The following ADAM28 variants were observed in gnomAD, a reference collection of about 807,000 sequenced individuals.
The protein encoded by ADAM28 is ADAM metallopeptidase domain 28, also known as disintegrin and metalloproteinase domain-containing protein 28.
ADAM28 carries 105 observed loss-of-function variants against 101.2 expected under a neutral mutation model. The observed-to-expected ratio is 1.04, with a 90% confidence interval of 0.89 to 1.22. ADAM28 has a LOEUF of 1.22. Ranked by LOEUF, ADAM28 falls within the 50% of genes most tolerant of loss-of-function variation. ADAM28 has a pLI of 0.00. For synonymous variants in ADAM28, 322 were observed against 310.6 expected, an observed-to-expected ratio of 1.04 and a Z score of -0.39; for missense variants, 1,028 against 945.4, an observed-to-expected ratio of 1.09 and a Z score of -1.15.
intron 4 of ADAM28, among the ~76,000 whole-genome samples, chr8:24,310,991 T>G (rs775536505): frequency 1.3e-5 from 2 of 152,178 alleles, no homozygotes; most frequent in Admixed American, 6.5e-5. Context: ...GAAAAAAGCT[T>G]GTAGATCTTT....
rs1815051517 is a variant in ADAM28 at position 24,343,589 on chromosome 8, G to A, written c.1990+5G>A. On this transcript the variant is annotated splice_donor_5th_base_variant and intron_variant, in intron 18 of 22. Transcript: ENST00000265769. Reference sequence around the variant, plus strand: ...ATGACTCCTCAGTGGTCTTCCGTAGGTAACATTACACATCTAACCTGAGAA... The same window carrying A: ...ATGACTCCTCAGTGGTCTTCCGTAGATAACATTACACATCTAACCTGAGAA... 2.5e-6 allele frequency: 4 copies of A among 1,613,452 alleles called. No individual in the cohort carries two copies. Among genetic ancestry groups the A allele is most frequent in the Non-Finnish European group, 3.4e-6 (4 of 1,179,618 alleles).
chr8:24,314,882 A>G (rs777202858), intron 6 of ADAM28, among the ~76,000 whole-genome samples: 2 of 151,330 alleles, frequency 1.3e-5, no homozygotes, highest in Non-Finnish European at 3.0e-5. Context: ...AAGATACTCC[A>G]TTACAACTAT....
At position 24,352,014 on chromosome 8, in the gene ADAM28, G is replaced by C; in HGVS notation, c.2206G>C (p.Asp736His). 1 of 1,613,664 alleles carries C rather than the reference G, an allele frequency of 6.2e-7. No homozygotes were observed. The highest frequency in any genetic ancestry group is 8.5e-7 in the Non-Finnish European group (1 of 1,179,730). Residue 736 changes from aspartate to histidine, a missense_variant, in exon 21 of 23, where the codon GAT becomes CAT. Coordinates refer to ENST00000265769, the MANE Select transcript of ADAM28 (RefSeq NM_014265.6). ...GAGTCAGATGAAGCCCCATGTGTAT[G>C]ATCTGCCAGTAGAAGGCAATGAGCC... ...EMSQMKPHVYDLPVEGNEPPA... is the reference protein window; with the variant it reads ...EMSQMKPHVYHLPVEGNEPPA...
chr8:24,354,323 TA>T, intron 22 of ADAM28, 60 bp from the exon 23 acceptor site: 1 of 1,385,214 alleles, frequency 7.2e-7, no homozygotes, highest in Non-Finnish European at 1.0e-6. Flanking sequence ...TTCAGCTTCA[TA>T]ATAGTAAATA....
chr8:24,350,809 A>G (rs1412820031), intron 19 of ADAM28, among the ~76,000 whole-genome samples: 1 of 151,726 alleles, frequency 6.6e-6, no homozygotes, highest in Non-Finnish European at 1.5e-5. Context: ...TCAGTCTTGC[A>G]GAGTAAGTGG....
At chr8:24,332,568 CAT>C in intron 12 of ADAM28, 90 bp from the exon 13 acceptor site, 2 of 602,958 alleles carry the variant, frequency 3.3e-6, no homozygotes, top group Non-Finnish European at 5.3e-6. Flanking sequence ...ACGAAAGTAA[CAT>C]ATGCCTGATG....
chr8:24,337,344 AC>A (rs760718917), intron 14 of ADAM28, among the ~76,000 whole-genome samples: 10 of 152,260 alleles, frequency 6.6e-5, no homozygotes, highest in Non-Finnish European at 1.0e-4. Flanking sequence ...AATCTTTAGC[AC>A]AGAGGTGAAG....
rs866332710 is a variant in ADAM28, at chr8:24,311,562, A to G, written c.383+125A>G. On this transcript the variant is annotated intron_variant, in intron 5 of 22. Coordinates refer to ENST00000265769, the MANE Select transcript of ADAM28 (RefSeq NM_014265.6). ...GTTGAATATAAATCATAAGGGCCAT[A>G]ACATTTTGAAATTTGAAGAAACACC... 80 of 614,058 alleles carry G rather than the reference A, an allele frequency of 1.3e-4. 1 individual carries two copies. In the Middle Eastern group the frequency reaches 6.1e-3, roughly 47 times the overall value. 38.0% of individuals were successfully genotyped at this position (614,058 alleles called of 1,614,324 possible).
chr8:24,345,241 T>C (rs975714430), intron 18 of ADAM28, among the ~76,000 whole-genome samples: 3 of 152,036 alleles, frequency 2.0e-5, no homozygotes, highest in African/African-American at 4.8e-5. Context: ...TTTGCTTTTT[T>C]CTTCCATTGA....
intron 8 of ADAM28, among the ~76,000 whole-genome samples, chr8:24,322,435 G>A (rs1309544628): frequency 6.6e-6 from 1 of 152,002 alleles, no homozygotes; most frequent in Admixed American, 6.6e-5. Context: ...CAAAGGAAAT[G>A]TTAGAATTAC....
At chr8:24,340,216 A>C (rs1037693280) in intron 15 of ADAM28, among the ~76,000 whole-genome samples, 1 of 152,160 alleles carries the variant, frequency 6.6e-6, no homozygotes, top group Admixed American at 6.5e-5. Flanking sequence ...CCTGCTCTAA[A>C]TTTTACACAT....
intron 12 of ADAM28, among the ~76,000 whole-genome samples, chr8:24,332,438 A>G (rs1184887403): frequency 6.6e-6 from 1 of 152,196 alleles, no homozygotes; most frequent in Non-Finnish European, 1.5e-5. Flanking sequence ...GACTGAGGAA[A>G]CTAGTTAATA....
At chr8:24,296,446 G>T (rs1294647674) in intron 1 of ADAM28, among the ~76,000 whole-genome samples, 1 of 152,158 alleles carries the variant, frequency 6.6e-6, no homozygotes, top group Admixed American at 6.5e-5. Flanking sequence ...TTAATATGAT[G>T]TGTTCAGTTT....
chr8:24,323,918 G>A lies in ADAM28; in HGVS notation c.805G>A (p.Ala269Thr). ...GGATAAGATAAAGATAACCCCAAAT[G>A]CAAGCTTCACCTTGGAGAATTTTTC... ...DKDKIKITPN[A>T]SFTLENFSKW... The change falls in exon 9 of 23, where the codon GCA becomes ACA. Residue 269 changes from alanine to threonine, a missense_variant. By Grantham distance (58) the Ala-to-Thr change is moderately conservative (BLOSUM62 0). Coordinates refer to ENST00000265769, the MANE Select transcript of ADAM28 (RefSeq NM_014265.6). 1 of 1,612,260 alleles carries A rather than the reference G, an allele frequency of 6.2e-7. No individual in the cohort carries two copies. Among genetic ancestry groups the A allele is most frequent in the Non-Finnish European group, 8.5e-7 (1 of 1,178,848 alleles).
chr8:24,306,359 A>AATATATATATAT (rs1194372727), intron 2 of ADAM28, among the ~76,000 whole-genome samples: 1 of 105,920 alleles, frequency 9.4e-6, no homozygotes. Context: ...CAAATAAATA[A>AATATATATATAT]ATAAATATAT....
At chr8:24,313,990 C>T (rs567315495) in intron 6 of ADAM28, among the ~76,000 whole-genome samples, 21 of 152,226 alleles carry the variant, frequency 1.4e-4, no homozygotes, top group African/African-American at 4.8e-4. Flanking sequence ...CTCCCGACCT[C>T]GGGTGATCCA....
intron 1 of ADAM28, among the ~76,000 whole-genome samples, chr8:24,298,778 T>C (rs973050971): frequency 1.3e-5 from 2 of 152,182 alleles, no homozygotes; most frequent in East Asian, 3.9e-4. Context: ...TAGCCACCTG[T>C]AGCAGCTAAG....
At chr8:24,333,138 G>C (rs1487336832) in intron 13 of ADAM28, among the ~76,000 whole-genome samples, 1 of 152,180 alleles carries the variant, frequency 6.6e-6, no homozygotes, top group African/African-American at 2.4e-5. Context: ...CGCAAACAGA[G>C]TAGAATGGTG....
In ADAM28 at chr8:24,330,078, T is replaced by C. The variant is rs1270050414; in HGVS notation, c.1066T>C (p.Cys356Arg). ...GMFHDDYSCKCPSTICVMDKA... is the reference protein window; with the variant it reads ...GMFHDDYSCKRPSTICVMDKA... ...GTTTCATGACGACTATTCTTGCAAG[T>C]GTCCTTCTACAATATGTGTGATGGA... is the stretch of plus-strand genomic sequence containing the variant. The change falls in exon 11 of 23, where the codon TGT (cysteine) becomes CGT (arginine). Residue 356 changes from cysteine to arginine, a missense_variant. Transcript: ENST00000265769. 6.2e-7 allele frequency: 1 copy of C among 1,613,580 alleles called. No homozygotes were observed. Among genetic ancestry groups the C allele is most frequent in the East Asian group, 2.2e-5 (1 of 44,872 alleles).
Sources: gnomAD v4.1 joint callset for allele counts (sites outside exome capture counted in the v4.1 genomes callset) on GRCh38, gnomAD v4.1.1 for gene constraint, MANE v1.5 for transcripts, NCBI Gene and HGNC (gene_info 2026-07-23, HGNC 2026-07-21) for gene names.